The following SLC25A21 variants were observed in gnomAD, a reference collection of about 807,000 sequenced individuals.
The protein encoded by SLC25A21 is solute carrier family 25 member 21, also known as mitochondrial 2-oxodicarboxylate carrier.
Under a neutral mutation model 43.8 loss-of-function variants are expected in SLC25A21, and 47 were observed. The ratio of observed to expected loss-of-function variants is 1.07; its 90% CI spans 0.85 to 1.37. SLC25A21 has a LOEUF of 1.37. SLC25A21 is among the 40% of genes most tolerant of loss of function. The pLI, the probability that SLC25A21 is intolerant of heterozygous loss-of-function variation, is 0.00. For synonymous variants in SLC25A21, 131 were observed against 121.3 expected (o/e 1.08, Z -0.52); for missense variants, 352 against 350.2 (o/e 1.00, Z -0.04).
At chr14:36,730,997 G>T (rs1382427495) in intron 4 of SLC25A21, among the ~76,000 whole-genome samples, 1 of 149,904 alleles carries the variant, frequency 6.7e-6, no homozygotes, top group African/African-American at 2.5e-5. Flanking sequence ...TTTCGAGATG[G>T]AGTCTCGCTC....
At chr14:36,991,645 A>G (rs1189323806) in intron 1 of SLC25A21, among the ~76,000 whole-genome samples, 1 of 152,142 alleles carries the variant, frequency 6.6e-6, no homozygotes, top group African/African-American at 2.4e-5. Flanking sequence ...AAGTTAAATA[A>G]CTTGTCCAAG....
intron 2 of SLC25A21, among the ~76,000 whole-genome samples, chr14:36,864,857 A>C (rs1411882803): frequency 6.6e-6 from 1 of 152,140 alleles, no homozygotes; most frequent in Non-Finnish European, 1.5e-5. Context: ...ATGTGATCTT[A>C]ATGTTTTATA....
chr14:36,890,734 G>C (rs73252891), intron 1 of SLC25A21, among the ~76,000 whole-genome samples: 2,320 of 152,276 alleles, frequency 0.015, 65 homozygotes, highest in African/African-American at 0.052. Flanking sequence ...ACGTGGAGGA[G>C]TAACACATTC....
intron 2 of SLC25A21, among the ~76,000 whole-genome samples, chr14:36,843,459 T>C (rs543041919): frequency 6.6e-6 from 1 of 152,324 alleles, no homozygotes; most frequent in Non-Finnish European, 1.5e-5. Flanking sequence ...AAAACAGTCC[T>C]ACAAGGTAAA....
intron 9 of SLC25A21, among the ~76,000 whole-genome samples, chr14:36,682,200 A>C (rs1286097235): frequency 1.3e-5 from 2 of 151,400 alleles, no homozygotes; most frequent in Admixed American, 6.6e-5. Context: ...CTCATTCTTT[A>C]AAGAAAAAAA....
At chr14:36,702,340 C>T in intron 7 of SLC25A21, among the ~76,000 whole-genome samples, 1 of 151,510 alleles carries the variant, frequency 6.6e-6, no homozygotes, top group Non-Finnish European at 1.5e-5. Flanking sequence ...AACATTGTTT[C>T]CAAAAAAGAC....
intron 6 of SLC25A21, among the ~76,000 whole-genome samples, chr14:36,721,854 T>C (rs1198948485): frequency 6.6e-6 from 1 of 152,230 alleles, no homozygotes; most frequent in Non-Finnish European, 1.5e-5. Context: ...CTGTTCTATA[T>C]TTTCTAAATT....
intron 2 of SLC25A21, among the ~76,000 whole-genome samples, chr14:36,844,426 C>T (rs533097536): frequency 6.6e-6 from 1 of 152,114 alleles, no homozygotes; most frequent in East Asian, 1.9e-4. Context: ...TAGCAGCACA[C>T]AAGGGGAGAA....
At chr14:36,933,065 T>C (rs1892334460) in intron 1 of SLC25A21, among the ~76,000 whole-genome samples, 1 of 152,158 alleles carries the variant, frequency 6.6e-6, no homozygotes, top group Non-Finnish European at 1.5e-5. Flanking sequence ...AATGGAAGGT[T>C]AAATCCCAAG....
intron 1 of SLC25A21, among the ~76,000 whole-genome samples, chr14:36,967,666 C>T (rs1337378815): frequency 1.3e-5 from 2 of 152,144 alleles, no homozygotes; most frequent in Non-Finnish European, 2.9e-5. Context: ...TTCTACTTTC[C>T]TAAGGATATA....
At position 37,116,728 on chromosome 14, in the gene SLC25A21, C is replaced by T. The variant is rs575743632; in HGVS notation, c.70+55553G>A. On this transcript the variant is annotated intron_variant, in intron 1 of 9. Coordinates refer to ENST00000331299, the MANE Select transcript of SLC25A21 (RefSeq NM_030631.4). ...AGTTAAATCCACAAATTATTTGTCA[C>T]ATAACATTTCAACAACAATTTTGAA... Among the ~76,000 whole-genome samples the T allele has an allele frequency of 7.2e-5, 11 of 152,256 alleles. No homozygotes were observed. In the East Asian group the frequency reaches 2.1e-3, roughly 29 times the overall value.
At chr14:36,682,985 A>G (rs1882351650) in intron 9 of SLC25A21, among the ~76,000 whole-genome samples, 1 of 152,186 alleles carries the variant, frequency 6.6e-6, no homozygotes, top group African/African-American at 2.4e-5. Context: ...TAGGAGGACA[A>G]TAGTGTTAAA....
At chr14:36,857,994 G>A (rs140492514) in intron 2 of SLC25A21, among the ~76,000 whole-genome samples, 6 of 152,308 alleles carry the variant, frequency 3.9e-5, no homozygotes, top group Middle Eastern at 3.4e-3. Flanking sequence ...AGTTTCAAAC[G>A]TTGCATAGTC....
intron 1 of SLC25A21, among the ~76,000 whole-genome samples, chr14:36,898,453 A>G (rs202146176): frequency 6.6e-6 from 1 of 152,104 alleles, no homozygotes; most frequent in South Asian, 2.1e-4. Context: ...TTGACTAGGA[A>G]AGGGAATTCC....
At chr14:36,873,846 G>T (rs1303348802) in intron 2 of SLC25A21, among the ~76,000 whole-genome samples, 2 of 152,260 alleles carry the variant, frequency 1.3e-5, no homozygotes, top group African/African-American at 4.8e-5. Flanking sequence ...TATACAGCAA[G>T]AAGGAGGCCC....
At chr14:37,033,992 TATTCTGGG>T (rs1055373763) in intron 1 of SLC25A21, among the ~76,000 whole-genome samples, 8 of 151,692 alleles carry the variant, frequency 5.3e-5, no homozygotes, top group African/African-American at 1.9e-4. Context: ...GGCACTATGA[TATTCTGGG>T]ATTCTGGGGA....
rs1888230667 is a variant in SLC25A21 at position 36,810,910 on chromosome 14, GAT to G, written c.203+3006_203+3007del. Among the ~76,000 whole-genome samples the G allele has an allele frequency of 5.3e-5, 5 of 95,186 alleles. No homozygotes were observed. In the South Asian group the frequency reaches 1.8e-3, roughly 35 times the overall value. 62.4% of individuals were successfully genotyped at this position (95,186 alleles called of 152,430 possible). A position where few individuals can be genotyped will look rare whatever the true frequency, so the allele number is the denominator to read the frequency against. ...GAGTGGGGGAAATAATTCAGCATATGATAGAGAAAAGAGTGGGGGAAATAATT... is the reference window on the plus strand; with the variant it reads ...GAGTGGGGGAAATAATTCAGCATATGAGAGAAAAGAGTGGGGGAAATAATT... On this transcript the variant is annotated intron_variant, in intron 3 of 9. Transcript: ENST00000331299.
chr14:36,956,261 T>C (rs552213109), intron 1 of SLC25A21, among the ~76,000 whole-genome samples: 80 of 152,368 alleles, frequency 5.3e-4, no homozygotes, highest in African/African-American at 1.9e-3. Flanking sequence ...AGATGCATAG[T>C]ACACGCAGTT....
intron 1 of SLC25A21, among the ~76,000 whole-genome samples, chr14:37,037,747 C>G (rs1362805974): frequency 6.6e-6 from 1 of 152,218 alleles, no homozygotes; most frequent in Admixed American, 6.5e-5. Flanking sequence ...CCTCTACATT[C>G]CCCAGCCCAG....
Sources: allele counts gnomAD v4.1 joint callset (sites outside exome capture counted in the v4.1 genomes callset), GRCh38; gene constraint gnomAD v4.1.1; transcripts MANE v1.5; gene names NCBI Gene and HGNC (gene_info 2026-07-23, HGNC 2026-07-21).